The following DNAH10 variants were observed in gnomAD, a reference collection of about 807,000 sequenced individuals.
DNAH10 encodes the protein axonemal beta dynein heavy chain 10.
In DNAH10, 348 loss-of-function variants were observed where a neutral mutation model predicts 506.6. The observed-to-expected ratio is 0.69, with a 90% CI of 0.63 to 0.75. The LOEUF is 0.75. Ranked by LOEUF, DNAH10 falls within the 30% of genes least tolerant of loss-of-function variation. The probability of loss-of-function intolerance (pLI) is 0.00; values close to 1 mark genes in which losing one functional copy is unlikely to be tolerated. For synonymous variants in DNAH10, 2,059 were observed against 2,198.6 expected (o/e 0.94, Z 1.78); for missense variants, 5,179 against 5,787.1 (o/e 0.89, Z 3.41).
chr12:123,804,441 C>T (rs537065862), intron 17 of DNAH10, among the ~76,000 whole-genome samples: 8 of 151,392 alleles, frequency 5.3e-5, no homozygotes, highest in African/African-American at 7.3e-5. Flanking sequence ...AGGAGAATGG[C>T]GTGAACCTGG....
chr12:123,782,448 C>T (rs1404671863), intron 6 of DNAH10, among the ~76,000 whole-genome samples: 5 of 144,694 alleles, frequency 3.5e-5, no homozygotes, highest in Non-Finnish European at 7.5e-5. Context: ...CTCACTCTGC[C>T]GCCCAGGCTG....
chr12:123,843,512 A>G (rs890180028), intron 30 of DNAH10, among the ~76,000 whole-genome samples: 3 of 152,246 alleles, frequency 2.0e-5, no homozygotes, highest in Non-Finnish European at 4.4e-5. Context: ...TTTTCGCTGC[A>G]CCACACAATT....
chr12:123,868,442 C>T (rs922553718), intron 43 of DNAH10, among the ~76,000 whole-genome samples: 7 of 152,194 alleles, frequency 4.6e-5, no homozygotes, highest in Non-Finnish European at 8.8e-5. Context: ...CTTCTGTGGG[C>T]TTCCCTATCT....
chr12:123,892,313 G>A (rs1953021219), intron 52 of DNAH10, among the ~76,000 whole-genome samples: 1 of 152,196 alleles, frequency 6.6e-6, no homozygotes, highest in South Asian at 2.1e-4. Context: ...CCCATGGCCA[G>A]AGTGGGAGCA....
chr12:123,790,926 A>T (rs1565907244), intron 11 of DNAH10, among the ~76,000 whole-genome samples: 1 of 152,084 alleles, frequency 6.6e-6, no homozygotes, highest in Non-Finnish European at 1.5e-5. Flanking sequence ...GGAGTTTGAG[A>T]CCAGCCTGGG....
rs185313303 is a variant in DNAH10, at chr12:123,876,987, G to A, written c.8200-749G>A. ...AAAAAATTCACATAACACAAAATTC[G>A]TTATTATAGCCATTTTAAAGTATAC... On this transcript the variant is annotated intron_variant, in intron 47 of 78. Coordinates refer to ENST00000673944, the MANE Select transcript of DNAH10 (RefSeq NM_001372106.1). Among the ~76,000 whole-genome samples the A allele has an allele frequency of 1.7e-4, 26 of 152,210 alleles. No homozygotes were observed. In the East Asian group the frequency reaches 2.5e-3, roughly 15 times the overall value.
At chr12:123,792,860 C>G (rs1958134196) in intron 11 of DNAH10, among the ~76,000 whole-genome samples, 1 of 152,182 alleles carries the variant, frequency 6.6e-6, no homozygotes, top group Non-Finnish European at 1.5e-5. Context: ...TAGATCTCAC[C>G]TCTTCCTCTT....
chr12:123,874,590 T>TCCATCCATCTAC (rs1952171099), intron 46 of DNAH10, among the ~76,000 whole-genome samples: 1 of 146,408 alleles, frequency 6.8e-6, no homozygotes, highest in South Asian at 2.2e-4. Flanking sequence ...CATCCATCCA[T>TCCATCCATCTAC]CCATCCATCC....
chr12:123,898,007 T>C, intron 55 of DNAH10, 40 bp downstream of exon 55: 1 of 1,507,152 alleles, frequency 6.6e-7, no homozygotes, highest in Non-Finnish European at 8.8e-7. Flanking sequence ...AAGTCATTAT[T>C]ATTTATGGGT....
intron 23 of DNAH10, 77 bp from the exon 24 acceptor site, chr12:123,820,503 A>G: frequency 2.2e-6 from 3 of 1,391,430 alleles, no homozygotes; most frequent in Non-Finnish European, 2.0e-6. Context: ...ATTGAGATAC[A>G]TTATGCATGA....
chr12:123,913,212 G>A lies in DNAH10; in HGVS notation c.10249G>A (p.Ala3417Thr), dbSNP rs757536034. 5.5e-5 allele frequency: 88 copies of A among 1,609,718 alleles called. No individual in the cohort carries two copies. The Admixed American group carries it at 1.1e-3, about 20-fold the overall frequency. Residue 3417 changes from alanine (A) to threonine (T), a missense_variant, in exon 60 of 79, where the codon GCC (alanine) becomes ACC (threonine). Ala to Thr is a moderately conservative substitution (Grantham distance 58). Transcript: ENST00000673944. The surrounding 1 kb of genome is among the most constrained non-coding windows in gnomAD (Gnocchi z 5.1). Reference protein sequence around the residue: ...LETLGAKYEAAILEKQKLQEE... With the variant: ...LETLGAKYEATILEKQKLQEE... ...AACATTGGGTGCCAAATATGAGGCCGCCATACTGGAAAAGCAGAAGCTGCA... is the reference window on the plus strand; with the variant it reads ...AACATTGGGTGCCAAATATGAGGCCACCATACTGGAAAAGCAGAAGCTGCA...
chr12:123,777,832 T>C (rs575280679), intron 5 of DNAH10, among the ~76,000 whole-genome samples: 1 of 66,826 alleles, frequency 1.5e-5, no homozygotes, highest in South Asian at 5.2e-4. Context: ...GGATGATTTT[T>C]GTATTTTTTT....
At chr12:123,844,151 G>A (rs995645180) in intron 30 of DNAH10, among the ~76,000 whole-genome samples, 10 of 152,128 alleles carry the variant, frequency 6.6e-5, no homozygotes, top group African/African-American at 2.4e-4. Flanking sequence ...GAGAGAGAGA[G>A]AAGGAGGAAC....
At chr12:123,865,872 T>C (rs967576878) in intron 40 of DNAH10, 79 bp from the exon 41 acceptor site, 2 of 1,395,296 alleles carry the variant, frequency 1.4e-6, no homozygotes, top group South Asian at 1.7e-5. Flanking sequence ...GTAAAAACTT[T>C]CCATAAGAGA....
chr12:123,809,331 G>A (rs1302244092), intron 19 of DNAH10, among the ~76,000 whole-genome samples: 1 of 152,024 alleles, frequency 6.6e-6, no homozygotes, highest in African/African-American at 2.4e-5. Context: ...TCCACCACCG[G>A]TGGTCAGAAT....
At chr12:123,875,946 T>C (rs1235696055) in intron 47 of DNAH10, among the ~76,000 whole-genome samples, 1 of 152,162 alleles carries the variant, frequency 6.6e-6, no homozygotes, top group Non-Finnish European at 1.5e-5. Context: ...AGGAGAGAAA[T>C]GCGTGTAAAG....
chr12:123,871,674 A>T (rs1001197223), intron 45 of DNAH10, 72 bp downstream of exon 45: 54 of 1,486,638 alleles, frequency 3.6e-5, no homozygotes, highest in Non-Finnish European at 3.9e-5. Flanking sequence ...GCTTCATACC[A>T]CAAGCACTGT....
At position 123,926,712 on chromosome 12, in the gene DNAH10, C is replaced by T; in HGVS notation, c.11997C>T (p.Ile3999=). ...QSTPHSPIVF[I]LSPGSDPATD... The stretch of plus-strand genomic sequence containing the variant: ...CTCCACATTCGCCCATTGTGTTTAT[C>T]CTGAGTCCTGGCTCCGACCCTGCCA... The change falls in exon 69 of 79, where the codon ATC becomes ATT. Residue 3999 remains isoleucine (I), a synonymous_variant. Coordinates refer to ENST00000673944, the MANE Select transcript of DNAH10 (RefSeq NM_001372106.1). The surrounding 1 kb of genome is among the most constrained non-coding windows in gnomAD (Gnocchi z 4.1). 1 of 1,614,002 alleles carries T rather than the reference C, an allele frequency of 6.2e-7. No individual in the cohort carries two copies. Among genetic ancestry groups the T allele is most frequent in the Non-Finnish European group, 8.5e-7 (1 of 1,179,896 alleles).
At position 123,903,804 on chromosome 12, in the gene DNAH10, C is replaced by T. The variant is rs1209720311; in HGVS notation, c.9815+691C>T. On this transcript the variant is annotated intron_variant, in intron 57 of 78. Coordinates refer to ENST00000673944, the MANE Select transcript of DNAH10 (RefSeq NM_001372106.1). This position sits in a 1 kb window ranked among gnomAD's most constrained non-coding sequence, Gnocchi z 4.6. ...GGGAACACTGTCCTGGTGCCAGCCTCCGCCCACTGCCTCTGCCCCTGTGCT... is the reference window on the plus strand; with the variant it reads ...GGGAACACTGTCCTGGTGCCAGCCTTCGCCCACTGCCTCTGCCCCTGTGCT... Among the ~76,000 whole-genome samples the T allele has an allele frequency of 6.6e-6, 1 of 152,212 alleles. No individual in the cohort carries two copies. Among genetic ancestry groups the T allele is most frequent in the Non-Finnish European group, 1.5e-5 (1 of 68,030 alleles).
Sources: gnomAD v4.1 joint callset for allele counts (sites outside exome capture counted in the v4.1 genomes callset) on GRCh38, gnomAD v4.1.1 for gene constraint, Gnocchi (gnomAD v3.1) non-coding constraint, MANE v1.5 for transcripts, NCBI Gene and HGNC (gene_info 2026-07-23, HGNC 2026-07-21) for gene names.